The following PHACTR1 variants were observed in gnomAD, a reference collection of about 807,000 sequenced individuals.
The protein encoded by PHACTR1 is RPEL repeat containing 1.
A neutral mutation model predicts 69.2 loss-of-function variants in PHACTR1; 16 were observed. That is an observed-to-expected ratio of 0.23 (90% CI 0.16 to 0.35). The LOEUF is 0.35. Among genes scored for constraint, PHACTR1 ranks in the 10% least tolerant of loss-of-function variants. PHACTR1 has a pLI of 1.00. For synonymous variants in PHACTR1, 312 were observed against 284.5 expected (o/e 1.10, Z -0.97); for missense variants, 510 against 734.7 (o/e 0.69, Z 3.54).
chr6:13,124,420 T>C (rs2127952150), intron 5 of PHACTR1, among the ~76,000 whole-genome samples: 1 of 152,346 alleles, frequency 6.6e-6, no homozygotes, highest in Middle Eastern at 3.4e-3. Context: ...CATTTAGGTA[T>C]GCACATGCAG....
intron 5 of PHACTR1, among the ~76,000 whole-genome samples, chr6:13,091,623 T>C (rs1308775513): frequency 6.6e-6 from 1 of 152,158 alleles, no homozygotes; most frequent in African/African-American, 2.4e-5. Flanking sequence ...TAATATATAA[T>C]GAAATAATTA....
At chr6:12,829,535 T>G (rs1414179559) in intron 4 of PHACTR1, among the ~76,000 whole-genome samples, 1 of 152,206 alleles carries the variant, frequency 6.6e-6, no homozygotes, top group East Asian at 1.9e-4. Flanking sequence ...CCTGGATTAG[T>G]GGCTTGGAGT....
chr6:13,070,642 A>G (rs1019162861), intron 5 of PHACTR1, among the ~76,000 whole-genome samples: 1 of 152,200 alleles, frequency 6.6e-6, no homozygotes, highest in African/African-American at 2.4e-5. Context: ...AAAGGTTAAG[A>G]TGTATGCATA....
intron 2 of PHACTR1, 141 bp downstream of exon 2, chr6:12,717,884 T>C (rs1761591443): frequency 1.3e-5 from 2 of 152,314 alleles, no homozygotes; most frequent in South Asian, 4.1e-4. Context: ...TTAATGACTT[T>C]GTCTTGTTAA....
At chr6:13,175,946 A>G (rs562940496) in intron 6 of PHACTR1, among the ~76,000 whole-genome samples, 5 of 152,116 alleles carry the variant, frequency 3.3e-5, no homozygotes, top group Non-Finnish European at 5.9e-5. Context: ...TCTGGAGTCA[A>G]CACGGGTCCA....
At chr6:12,784,122 T>G (rs1421644429) in intron 4 of PHACTR1, among the ~76,000 whole-genome samples, 1 of 152,044 alleles carries the variant, frequency 6.6e-6, no homozygotes, top group African/African-American at 2.4e-5. Context: ...CATGATGATA[T>G]ATACATATGC....
chr6:13,261,718 T>C (rs1265965928), intron 10 of PHACTR1, among the ~76,000 whole-genome samples: 1 of 152,136 alleles, frequency 6.6e-6, no homozygotes, highest in Non-Finnish European at 1.5e-5. Flanking sequence ...CACTGGGGTA[T>C]GGAACATGCA....
chr6:13,184,937 T>TG, intron 7 of PHACTR1: 20 of 1,366,562 alleles, frequency 1.5e-5, no homozygotes, highest in Non-Finnish European at 2.0e-5. Flanking sequence ...GTGAAGCAGC[T>TG]GCCCCTTCTC....
intron 4 of PHACTR1, among the ~76,000 whole-genome samples, chr6:12,998,147 G>A (rs1180168406): frequency 6.6e-6 from 1 of 151,924 alleles, no homozygotes; most frequent in Non-Finnish European, 1.5e-5. Flanking sequence ...CAGTACTCAG[G>A]AAAAAAATTA....
intron 4 of PHACTR1, among the ~76,000 whole-genome samples, chr6:13,051,003 C>T (rs1235308128): frequency 3.9e-5 from 6 of 152,064 alleles, no homozygotes; most frequent in Admixed American, 6.6e-5. Context: ...TGATTGTTCT[C>T]GCTGTCAAGG....
At chr6:12,923,962 A>C (rs1460477868) in intron 4 of PHACTR1, among the ~76,000 whole-genome samples, 1 of 152,218 alleles carries the variant, frequency 6.6e-6, no homozygotes, top group Non-Finnish European at 1.5e-5. Flanking sequence ...TTGGATAATG[A>C]AGAGCTTCTG....
chr6:13,080,248 A>C (rs188037482), intron 5 of PHACTR1, among the ~76,000 whole-genome samples: 7 of 152,212 alleles, frequency 4.6e-5, no homozygotes, highest in Non-Finnish European at 8.8e-5. Context: ...TTTCTTTAGG[A>C]GCCTTTAAAA....
At chr6:12,936,931 AT>A (rs918367523) in intron 4 of PHACTR1, among the ~76,000 whole-genome samples, 3 of 152,040 alleles carry the variant, frequency 2.0e-5, no homozygotes, top group African/African-American at 7.2e-5. Flanking sequence ...CTCATTGACT[AT>A]TTTTTTAAAG....
intron 5 of PHACTR1, among the ~76,000 whole-genome samples, chr6:13,121,130 C>A (rs1264240734): frequency 2.0e-5 from 3 of 152,196 alleles, no homozygotes; most frequent in African/African-American, 7.2e-5. Context: ...AAGGAACTTT[C>A]ACTAGCTTGA....
At chr6:13,216,128 G>A (rs942783017) in intron 8 of PHACTR1, among the ~76,000 whole-genome samples, 4 of 152,160 alleles carry the variant, frequency 2.6e-5, no homozygotes, top group Non-Finnish European at 5.9e-5. Flanking sequence ...ATTGAAATCA[G>A]TAGACCCTCA....
rs1261566087 is a variant in PHACTR1, at chr6:13,246,523, T to G, written c.1391+16330T>G. ...GGTACCTTAATTTAGAGTTGGCCTA[T>G]TCTTGTGATTCTTTCAAATGATAAG... On this transcript the variant is annotated intron_variant, in intron 10 of 14. Coordinates refer to ENST00000332995, the MANE Select transcript of PHACTR1 (RefSeq NM_030948.6). The surrounding 1 kb of genome is among the most constrained non-coding windows in gnomAD (Gnocchi z 4.2). Among the ~76,000 whole-genome samples the G allele has an allele frequency of 2.0e-5, 3 of 152,260 alleles. No individual in the cohort carries two copies. Among genetic ancestry groups the G allele is most frequent in the African/African-American group, 7.2e-5 (3 of 41,466 alleles).
intron 5 of PHACTR1, among the ~76,000 whole-genome samples, chr6:13,139,302 C>A (rs141913507): frequency 6.6e-6 from 1 of 152,146 alleles, no homozygotes. Context: ...CACATACATC[C>A]ATTTGCATAC....
At chr6:13,183,078 C>G (rs910493880) in intron 7 of PHACTR1, among the ~76,000 whole-genome samples, 1 of 152,082 alleles carries the variant, frequency 6.6e-6, no homozygotes, top group African/African-American at 2.4e-5. Context: ...TAGTCTTAGT[C>G]CCAGTATGCC....
chr6:13,098,965 A>G (rs937612733), intron 5 of PHACTR1, among the ~76,000 whole-genome samples: 2 of 152,176 alleles, frequency 1.3e-5, no homozygotes, highest in African/African-American at 2.4e-5. Flanking sequence ...AAACATAGTC[A>G]TATCATTTCC....
Sources: allele counts gnomAD v4.1 joint callset (sites outside exome capture counted in the v4.1 genomes callset), GRCh38; gene constraint gnomAD v4.1.1; non-coding constraint Gnocchi (gnomAD v3.1); transcripts MANE v1.5; gene names NCBI Gene and HGNC (gene_info 2026-07-23, HGNC 2026-07-21).